Variants in SEC16A observed in about 807,000 individuals in gnomAD.
SEC16A encodes the protein protein transport protein Sec16A.
In SEC16A, 110 loss-of-function variants were observed where a neutral mutation model predicts 221.9. That is an observed-to-expected ratio of 0.50 (90% CI 0.42 to 0.58). SEC16A has a LOEUF of 0.58. Among genes scored for constraint, SEC16A ranks in the 20% least tolerant of loss-of-function variants. The pLI is 0.00. For synonymous variants in SEC16A, 1,393 were observed against 1,257.7 expected, an observed-to-expected ratio of 1.11 and a Z score of -2.28; for missense variants, 3,165 against 3,097.8, an observed-to-expected ratio of 1.02 and a Z score of -0.52.
rs1320545919 is a variant in SEC16A at position 136,465,981 on chromosome 9, G to C, written c.4284C>G (p.Val1428=). The C allele has an allele frequency of 1.2e-6, 2 of 1,613,384 alleles. No individual in the cohort carries two copies. The highest frequency in any genetic ancestry group is 1.7e-6 in the Non-Finnish European group (2 of 1,179,878). Reference sequence around the variant, plus strand: ...ACACACCTTGCTCCATGGCAGGCCAGACGGTGTCGGCAGGGTAGCCATACT... The same window carrying C: ...ACACACCTTGCTCCATGGCAGGCCACACGGTGTCGGCAGGGTAGCCATACT... The part of the protein sequence containing the change: ...FPEYGYPADT[V]WPAMEQVSSR... Residue 1428 remains valine, a synonymous_variant, in exon 8 of 32, where the codon GTC becomes GTG. Transcript: ENST00000684901.
At chr9:136,445,186 A>G (rs1588865147) in intron 29 of SEC16A, 75 bp from the exon 30 acceptor site, 1 of 1,309,626 alleles carries the variant, frequency 7.6e-7, no homozygotes. Flanking sequence ...CCAAGCTGTC[A>G]GTTCCATTTC....
Position 136,441,777 on chromosome 9 carries a change from C to T in SEC16A, c.7052G>A (p.Arg2351Lys). The T allele has an allele frequency of 6.2e-7, 1 of 1,613,486 alleles. No homozygotes were observed. Among genetic ancestry groups the T allele is most frequent in the Non-Finnish European group, 8.5e-7 (1 of 1,179,854 alleles). Reference sequence around the variant, plus strand: ...AGCCTAGTTCAGCACCAGGTGCTTCCTCTGGCCAATCCTCCCTAGCCTTGA... The same window carrying T: ...AGCCTAGTTCAGCACCAGGTGCTTCTTCTGGCCAATCCTCCCTAGCCTTGA... The part of the protein sequence containing the change: ...GSSRLGRIGQ[R>K]KHLVLN The change falls in exon 32 of 32, where the codon AGG (arginine) becomes AAG (lysine). Residue 2351 changes from arginine (R) to lysine (K), a missense_variant. Arg to Lys is a conservative substitution (Grantham distance 26, BLOSUM62 2). This residue lies in a region of SEC16A where 1,088 missense variants were observed against 1,089.6 expected (regional missense o/e 1.00). Coordinates refer to ENST00000684901, the MANE Select transcript of SEC16A (RefSeq NM_014866.2).
At chr9:136,463,370 G>T in intron 11 of SEC16A, 93 bp downstream of exon 11, 1 of 1,510,128 alleles carries the variant, frequency 6.6e-7, no homozygotes, top group East Asian at 2.3e-5. Flanking sequence ...CTGGCCACGC[G>T]GATCCCGCCC....
intron 31 of SEC16A, among the ~76,000 whole-genome samples, chr9:136,442,119 C>CT (rs1836271272): frequency 6.6e-6 from 1 of 152,166 alleles, no homozygotes; most frequent in African/African-American, 2.4e-5. Context: ...CAGAGCCAGC[C>CT]TGGCTGTCCA....
At chr9:136,469,061 G>A (rs1840525459) in intron 4 of SEC16A, among the ~76,000 whole-genome samples, 1 of 152,094 alleles carries the variant, frequency 6.6e-6, no homozygotes, top group South Asian at 2.1e-4. Flanking sequence ...TGTTGCCGAG[G>A]CTGGTCTCGA....
chr9:136,445,616 C>CG (rs1384776892), intron 29 of SEC16A, 29 bp downstream of exon 29: 22 of 1,526,522 alleles, frequency 1.4e-5, no homozygotes, highest in African/African-American at 2.8e-5. Context: ...GCCTGGGCTG[C>CG]GGGGGGCCCT....
chr9:136,444,954 AGTGGCAAAGCGCAC>A (rs1339628584), intron 30 of SEC16A, 84 bp downstream of exon 30: 1 of 919,378 alleles, frequency 1.1e-6, no homozygotes, highest in East Asian at 2.7e-5. Flanking sequence ...GGGCGAGGTT[AGTGGCAAAGCGCAC>A]GTGGCGAACC....
chr9:136,457,164 G>A (rs968732332), intron 18 of SEC16A, among the ~76,000 whole-genome samples: 1 of 152,226 alleles, frequency 6.6e-6, no homozygotes, highest in Non-Finnish European at 1.5e-5. Flanking sequence ...GACAGAGTGA[G>A]ACTGCGTCTC....
chr9:136,463,143 C>A lies in SEC16A; in HGVS notation c.4648-11G>T. 6.2e-7 allele frequency: 1 copy of A among 1,606,934 alleles called. No homozygotes were observed. The highest frequency in any genetic ancestry group is 1.1e-5 in the South Asian group (1 of 90,998). On this transcript the variant is annotated splice_polypyrimidine_tract_variant and intron_variant, in intron 11 of 31. Transcript: ENST00000684901. ...GGTCCCTACCACGGTCTGTTTGGGT[C>A]AACAGGAACAGGAAGGAGAACAACG...
At chr9:136,455,940 G>A (rs1838592400) in intron 19 of SEC16A, 113 bp downstream of exon 19, 1 of 1,168,224 alleles carries the variant, frequency 8.6e-7, no homozygotes. Flanking sequence ...ATTCTCATAG[G>A]CACACGTTTG....
chr9:136,472,902 G>C (rs1841071517), intron 3 of SEC16A, among the ~76,000 whole-genome samples: 1 of 152,262 alleles, frequency 6.6e-6, no homozygotes, highest in African/African-American at 2.4e-5. Context: ...GAGGGAGGTG[G>C]CTCGCAGCAG....
At chr9:136,473,653 G>A (rs985602979) in intron 3 of SEC16A, among the ~76,000 whole-genome samples, 1 of 152,246 alleles carries the variant, frequency 6.6e-6, no homozygotes, top group Admixed American at 6.5e-5. Context: ...CAATGCTTCT[G>A]ACGTAAGCTT....
In SEC16A at chr9:136,475,838, G is replaced by A. The variant is rs1350307764; in HGVS notation, c.1778C>T (p.Thr593Ile). Reference sequence around the variant, plus strand: ...TCCTGTAGGTTTCGGGGGGCTCGGGGTTGAGGGCTGGGACACGCTGCCACG... The same window carrying A: ...TCCTGTAGGTTTCGGGGGGCTCGGGATTGAGGGCTGGGACACGCTGCCACG... ...NYRGSVSQPSTPSPPKPTGIF... is the reference protein window; with the variant it reads ...NYRGSVSQPSIPSPPKPTGIF... Residue 593 changes from threonine (T) to isoleucine (I), a missense_variant, in exon 3 of 32, where the codon ACC (threonine) becomes ATC (isoleucine). Thr to Ile is a moderately conservative substitution (Grantham distance 89, BLOSUM62 -1). Coordinates refer to ENST00000684901, the MANE Select transcript of SEC16A (RefSeq NM_014866.2). This position sits in a 1 kb window ranked among gnomAD's most constrained non-coding sequence, Gnocchi z 5.0. 4 of 1,586,002 alleles carry A rather than the reference G, an allele frequency of 2.5e-6. No individual in the cohort carries two copies. Among genetic ancestry groups the A allele is most frequent in the African/African-American group, 2.7e-5 (2 of 74,320 alleles).
rs371421144 is a variant in SEC16A at position 136,445,633 on chromosome 9, G to C, written c.6867+12C>G. The C allele has an allele frequency of 6.5e-6, 10 of 1,547,306 alleles. No homozygotes were observed. The East Asian group carries it at 1.5e-4, about 23-fold the overall frequency. The stretch of plus-strand genomic sequence containing the variant: ...CTGGGCTGCGGGGGGCCCTGGCGTC[G>C]GCACTCCTTACCTCTCCTCCCTGGG... On this transcript the variant is annotated intron_variant, in intron 29 of 31. Transcript: ENST00000684901.
Position 136,466,066 on chromosome 9 carries a change from T to C in SEC16A, c.4199A>G (p.His1400Arg), listed in dbSNP as rs1840107272. Residue 1400 changes from histidine (H) to arginine (R), a missense_variant, in exon 8 of 32, where the codon CAC (histidine) becomes CGC (arginine). Physicochemically the swap from His to Arg is conservative, Grantham distance 29. Around this residue, in one of 3 missense-constraint regions of SEC16A, gnomAD observed 2,030 missense variants for 1,923.1 expected, o/e 1.06. Transcript: ENST00000684901. The surrounding 1 kb of genome is among the most constrained non-coding windows in gnomAD (Gnocchi z 5.5). ...GTAGGTGCCGTAGGCAAAATCGCCGTGAAAGGAGCCTGGAGGAAGCGGGGC... is the reference window on the plus strand; with the variant it reads ...GTAGGTGCCGTAGGCAAAATCGCCGCGAAAGGAGCCTGGAGGAAGCGGGGC... ...YEAPLPPGSFHGDFAYGTYRS... is the reference protein window; with the variant it reads ...YEAPLPPGSFRGDFAYGTYRS... 6.2e-7 allele frequency: 1 copy of C among 1,612,986 alleles called. No individual in the cohort carries two copies. Among genetic ancestry groups the C allele is most frequent in the Non-Finnish European group, 8.5e-7 (1 of 1,179,568 alleles).
At chr9:136,460,496 A>G (rs919709676) in intron 13 of SEC16A, among the ~76,000 whole-genome samples, 8 of 151,914 alleles carry the variant, frequency 5.3e-5, no homozygotes, top group Non-Finnish European at 1.0e-4. Flanking sequence ...TAAATTTTTT[A>G]AAAAATCAGC....
chr9:136,466,458 C>A lies in SEC16A; in HGVS notation c.3934G>T (p.Glu1312Ter). ...TACCTCCAGTTGTTGTCACGTTTCT[C>A]GGGCCTAGAGGAAGCCGGGGGACAG... is the stretch of plus-strand genomic sequence containing the variant. ...REHSAFGDRP[E>*]KRDNNWRYDP... is the part of the protein sequence containing the mutation. Residue 1312 changes from glutamate (E) to a stop codon, truncating the protein, a stop_gained, in exon 7 of 32, where the codon GAG (glutamate) becomes TAG (stop). Coordinates refer to ENST00000684901, the MANE Select transcript of SEC16A (RefSeq NM_014866.2). LOFTEE classifies it high-confidence loss of function. This position sits in a 1 kb window ranked among gnomAD's most constrained non-coding sequence, Gnocchi z 5.5. 1.2e-6 allele frequency: 2 copies of A among 1,603,172 alleles called. No individual in the cohort carries two copies. Among genetic ancestry groups the A allele is most frequent in the South Asian group, 1.1e-5 (1 of 89,592 alleles).
At chr9:136,443,944 A>T in intron 30 of SEC16A, 44 bp from the exon 31 acceptor site, 1 of 1,409,762 alleles carries the variant, frequency 7.1e-7, no homozygotes, top group Non-Finnish European at 9.7e-7. Context: ...TGCGCTGCAC[A>T]GCAGCTGTCA....
At chr9:136,480,554 T>A (rs536260203) in intron 1 of SEC16A, among the ~76,000 whole-genome samples, 1 of 152,300 alleles carries the variant, frequency 6.6e-6, no homozygotes, top group East Asian at 1.9e-4. Flanking sequence ...TCTTATGAGA[T>A]TCTACTCACA....
Sources: allele counts gnomAD v4.1 joint callset (sites outside exome capture counted in the v4.1 genomes callset), GRCh38; gene constraint gnomAD v4.1.1; regional missense constraint gnomAD v4.1.1; non-coding constraint Gnocchi (gnomAD v3.1); transcripts MANE v1.5; gene names NCBI Gene and HGNC (gene_info 2026-07-23, HGNC 2026-07-21).